OR9G1: variants seen among roughly 807,000 people sequenced by gnomAD.
OR9G1 encodes the protein olfactory receptor 9G1.
Under a neutral mutation model 14.5 loss-of-function variants are expected in OR9G1, and 21 were observed. The observed-to-expected ratio is 1.45, with a 90% confidence interval of 1.03 to 2.09. The LOEUF is 2.09. Ranked by LOEUF, OR9G1 falls within the 30% of genes most tolerant of loss-of-function variation. The pLI, the probability that OR9G1 is intolerant of heterozygous loss-of-function variation, is 0.00. For synonymous variants in OR9G1, 179 were observed against 153.3 expected, an observed-to-expected ratio of 1.17 and a Z score of -1.24; for missense variants, 476 against 364.2, an observed-to-expected ratio of 1.31 and a Z score of -2.50.
chr11:56,701,494 T>C lies in OR9G1; in HGVS notation c.*189T>C. ...ACATCTGAATATATAAGAATTTGAA[T>C]TGAATTTCCTATCTCTCTTATTAAA... On this transcript the variant is annotated 3_prime_UTR_variant, in exon 2 of 2. Coordinates refer to ENST00000642097, the MANE Select transcript of OR9G1 (RefSeq NM_001005213.2). 1.5e-6 allele frequency: 1 copy of C among 686,196 alleles called. No individual in the cohort carries two copies. Among genetic ancestry groups the C allele is most frequent in the South Asian group, 3.3e-5 (1 of 30,354 alleles). 42.5% of individuals were successfully genotyped at this position (686,196 alleles called of 1,614,324 possible).
Position 56,700,963 on chromosome 11 carries a change from C to T in OR9G1, c.576C>T (p.Gly192=), listed in dbSNP as rs373029506. The part of the protein sequence containing the change: ...PLVELACGEK[G]GYKIMMYFLL... ...TGGAGCTGGCCTGTGGCGAGAAGGGCGGCTATAAAATTATGATGTACTTCC... is the reference window on the plus strand; with the variant it reads ...TGGAGCTGGCCTGTGGCGAGAAGGGTGGCTATAAAATTATGATGTACTTCC... Residue 192 remains glycine, a synonymous_variant, in exon 2 of 2, where the codon GGC becomes GGT. Coordinates refer to ENST00000642097, the MANE Select transcript of OR9G1 (RefSeq NM_001005213.2). The T allele has an allele frequency of 5.1e-5, 83 of 1,614,100 alleles. No homozygotes were observed. In the South Asian group the frequency reaches 5.7e-4, roughly 11 times the overall value.
At position 56,700,873 on chromosome 11, in the gene OR9G1, G is replaced by C. The variant is rs765252035; in HGVS notation, c.486G>C (p.Thr162=). 6.2e-7 allele frequency: 1 copy of C among 1,614,130 alleles called. No homozygotes were observed. The highest frequency in any genetic ancestry group is 1.7e-5 in the Admixed American group (1 of 60,012). ...ACTCTTCAATCATCACCAAGAAAAC[G>C]TTTTCCTTTAACTTCTGCCGTGAAA... ...FINSSIITKK[T]FSFNFCRENI... is the part of the protein sequence containing the mutation. The change falls in exon 2 of 2, where the codon ACG becomes ACC. Residue 162 remains threonine (T), a synonymous_variant. Coordinates refer to ENST00000642097, the MANE Select transcript of OR9G1 (RefSeq NM_001005213.2).
At chr11:56,699,954 G>A (rs1257217656) in intron 1 of OR9G1, among the ~76,000 whole-genome samples, 1 of 152,252 alleles carries the variant, frequency 6.6e-6, no homozygotes, top group Non-Finnish European at 1.5e-5. Context: ...ATGTTTCAAT[G>A]CATAGAAACT....
rs1470572415 is a variant in OR9G1 at position 56,700,688 on chromosome 11, T to C, written c.301T>C (p.Phe101Leu). Residue 101 changes from phenylalanine to leucine, a missense_variant, in exon 2 of 2, where the codon TTC becomes CTC. Coordinates refer to ENST00000642097, the MANE Select transcript of OR9G1 (RefSeq NM_001005213.2). Reference protein sequence around the residue: ...ISFAGCLCQFFFSAGLAYSEC... With the variant: ...ISFAGCLCQFLFSAGLAYSEC... ...CTTTGCTGGCTGCCTGTGTCAGTTC[T>C]TCTTCTCTGCAGGGCTGGCCTATAG... 2.5e-6 allele frequency: 4 copies of C among 1,614,286 alleles called. No individual in the cohort carries two copies. In the South Asian group the frequency reaches 4.4e-5, roughly 18 times the overall value.
rs1273343092 is a variant in OR9G1, at chr11:56,700,966, CT to C, written c.580del (p.Tyr194IlefsTer4). On this transcript the variant is annotated frameshift_variant, in exon 2 of 2. Transcript: ENST00000642097. LOFTEE classifies it high-confidence loss of function. ...AGCTGGCCTGTGGCGAGAAGGGCGG[CT>C]ATAAAATTATGATGTACTTCCTGCT... ...VELACGEKGGYKIMMYFLLAS... is the reference protein window; with the variant it reads ...VELACGEKGGXKIMMYFLLAS... The C allele has an allele frequency of 6.2e-7, 1 of 1,614,256 alleles. No homozygotes were observed. The highest frequency in any genetic ancestry group is 8.5e-7 in the Non-Finnish European group (1 of 1,180,002).
In OR9G1 at chr11:56,701,065, G is replaced by A; in HGVS notation, c.678G>A (p.Arg226=). Residue 226 remains arginine, a synonymous_variant, in exon 2 of 2, where the codon AGG becomes AGA. Transcript: ENST00000642097. ...TCTTTATCATCACCAGTGTCTTGAG[G>A]ATCTCCTCCTCCAAGGGCTACCTCA... is the stretch of plus-strand genomic sequence containing the variant. The part of the protein sequence containing the change: ...SYLFIITSVL[R]ISSSKGYLKA... 4.3e-6 allele frequency: 7 copies of A among 1,614,316 alleles called. No homozygotes were observed. The highest frequency in any genetic ancestry group is 5.9e-6 in the Non-Finnish European group (7 of 1,180,058).
chr11:56,700,279 T>G, intron 1 of OR9G1, 91 bp from the exon 2 acceptor site: 1 of 1,501,580 alleles, frequency 6.7e-7, no homozygotes, highest in Admixed American at 2.3e-5. Flanking sequence ...GGTTCTAGAC[T>G]TCACGAAACA....
intron 1 of OR9G1, 50 bp from the exon 2 acceptor site, chr11:56,700,320 T>C (rs1857589787): frequency 6.3e-7 from 1 of 1,581,552 alleles, no homozygotes; most frequent in Non-Finnish European, 8.6e-7. Context: ...AACATAATTC[T>C]ACATATTCAT....
At chr11:56,699,870 C>CA (rs1857578771) in intron 1 of OR9G1, among the ~76,000 whole-genome samples, 1 of 152,302 alleles carries the variant, frequency 6.6e-6, no homozygotes, top group South Asian at 2.1e-4. Flanking sequence ...TTCTCTTTTC[C>CA]CTTTATACTT....
intron 1 of OR9G1, among the ~76,000 whole-genome samples, chr11:56,699,730 G>A (rs1051796753): frequency 6.6e-6 from 1 of 150,966 alleles, no homozygotes; most frequent in African/African-American, 2.4e-5. Context: ...TTTAAAACTG[G>A]TGTTTCAATT....
rs1262434934 is a variant in OR9G1 at position 56,703,882 on chromosome 11, T to C, written c.*2577T>C. 2.1e-5 allele frequency: 3 copies of C among 143,916 alleles called. No homozygotes were observed. The highest frequency in any genetic ancestry group is 4.5e-4 in the South Asian group (2 of 4,448). 8.9% of individuals were successfully genotyped at this position (143,916 alleles called of 1,614,324 possible). The stretch of plus-strand genomic sequence containing the variant: ...CTCTAGAATTATGTCTAAGTAATAT[T>C]ACAGAGACCCTAGTAAAAAGATAAA... On this transcript the variant is annotated 3_prime_UTR_variant, in exon 2 of 2. Coordinates refer to ENST00000642097, the MANE Select transcript of OR9G1 (RefSeq NM_001005213.2).
At position 56,701,442 on chromosome 11, in the gene OR9G1, A is replaced by C. The variant is rs1857632005; in HGVS notation, c.*137A>C. ...GTGAGAGTTACAGACATGTACAATA[A>C]GAAAATTAGGAAAATTTCGGACAAA... On this transcript the variant is annotated 3_prime_UTR_variant, in exon 2 of 2. Coordinates refer to ENST00000642097, the MANE Select transcript of OR9G1 (RefSeq NM_001005213.2). 16 of 1,247,520 alleles carry C rather than the reference A, an allele frequency of 1.3e-5. No homozygotes were observed. Among genetic ancestry groups the C allele is most frequent in the Non-Finnish European group, 1.7e-5 (16 of 944,292 alleles). The allele number at this position is 1,247,520 out of a possible 1,614,324, so 77.3% of individuals were successfully genotyped here.
chr11:56,699,561 T>G (rs1439035273), intron 1 of OR9G1, among the ~76,000 whole-genome samples: 3 of 152,310 alleles, frequency 2.0e-5, no homozygotes, highest in African/African-American at 7.2e-5. Flanking sequence ...AGTTAGTCTG[T>G]CAAGAATTGT....
rs1442593696 is a variant in OR9G1 at position 56,700,526 on chromosome 11, T to C, written c.139T>C (p.Leu47=). The C allele has an allele frequency of 2.5e-6, 4 of 1,614,196 alleles. No individual in the cohort carries two copies. In the African/African-American group the frequency reaches 4.0e-5, roughly 16 times the overall value. The change falls in exon 2 of 2, where the codon TTG becomes CTG. Residue 47 remains leucine (L), a synonymous_variant. Transcript: ENST00000642097. ...GGTAGGAAATAGCACCCTCATCGTGTTGATCTGTAATGACTCCTGCCTCCA... is the reference window on the plus strand; with the variant it reads ...GGTAGGAAATAGCACCCTCATCGTGCTGATCTGTAATGACTCCTGCCTCCA... The part of the protein sequence containing the change: ...TVVGNSTLIV[L]ICNDSCLHTP...
rs1200391987 is a variant in OR9G1, at chr11:56,702,904, T to A, written c.*1599T>A. 2.0e-5 allele frequency: 3 copies of A among 150,796 alleles called. No homozygotes were observed. The highest frequency in any genetic ancestry group is 7.3e-5 in the African/African-American group (3 of 41,016). The allele number at this position is 150,796 out of a possible 1,614,324, so 9.3% of individuals were successfully genotyped here. ...ATTTCAAAATCATTTAAAAAGTGGA[T>A]CTTACATGTTCTCACCACAAAGCAG... On this transcript the variant is annotated 3_prime_UTR_variant, in exon 2 of 2. Coordinates refer to ENST00000642097, the MANE Select transcript of OR9G1 (RefSeq NM_001005213.2).
In OR9G1 at chr11:56,701,204, G is replaced by A; in HGVS notation, c.817G>A (p.Val273Ile). The change falls in exon 2 of 2, where the codon GTT becomes ATT. Residue 273 changes from valine (V) to isoleucine (I), a missense_variant. Val to Ile is a conservative substitution (Grantham distance 29). Transcript: ENST00000642097. The part of the protein sequence containing the change: ...SSYSFDMDKI[V>I]STFYTVVFPM... Reference sequence around the variant, plus strand: ...CTATTCTTTTGATATGGACAAAATAGTTTCTACATTTTACACTGTGGTATT... The same window carrying A: ...CTATTCTTTTGATATGGACAAAATAATTTCTACATTTTACACTGTGGTATT... 2 of 1,614,288 alleles carry A rather than the reference G, an allele frequency of 1.2e-6. No homozygotes were observed. Among genetic ancestry groups the A allele is most frequent in the Non-Finnish European group, 1.7e-6 (2 of 1,180,048 alleles).
chr11:56,701,603 C>G lies in OR9G1; in HGVS notation c.*298C>G. The G allele has an allele frequency of 2.5e-6, 1 of 403,384 alleles. No individual in the cohort carries two copies. 25.0% of individuals were successfully genotyped at this position (403,384 alleles called of 1,614,324 possible). A position where few individuals can be genotyped will look rare whatever the true frequency, so the allele number is the denominator to read the frequency against. On this transcript the variant is annotated 3_prime_UTR_variant, in exon 2 of 2. Coordinates refer to ENST00000642097, the MANE Select transcript of OR9G1 (RefSeq NM_001005213.2). ...CCTACCTCATTAGCCTAAGATTTGG[C>G]TAACTGATACATATAGAAGAGTATC...
At position 56,701,165 on chromosome 11, in the gene OR9G1, C is replaced by G. The variant is rs780689942; in HGVS notation, c.778C>G (p.Leu260Val). ...TGGCTCCATTCTCTACATCTACGCT[C>G]TCCCCAGATCTAGCTATTCTTTTGA... ...YYGSILYIYALPRSSYSFDMD... is the reference protein window; with the variant it reads ...YYGSILYIYAVPRSSYSFDMD... The change falls in exon 2 of 2, where the codon CTC becomes GTC. Residue 260 changes from leucine to valine, a missense_variant. Physicochemically the swap from Leu to Val is conservative, Grantham distance 32. Coordinates refer to ENST00000642097, the MANE Select transcript of OR9G1 (RefSeq NM_001005213.2). 8.7e-6 allele frequency: 14 copies of G among 1,614,308 alleles called. No homozygotes were observed. In the South Asian group the frequency reaches 1.2e-4, roughly 14 times the overall value.
At chr11:56,699,895 T>C (rs1200955430) in intron 1 of OR9G1, among the ~76,000 whole-genome samples, 1 of 152,310 alleles carries the variant, frequency 6.6e-6, no homozygotes, top group African/African-American at 2.4e-5. Flanking sequence ...TAGTATTTTC[T>C]TAGGCCTATA....
Sources: allele counts gnomAD v4.1 joint callset (sites outside exome capture counted in the v4.1 genomes callset), GRCh38; gene constraint gnomAD v4.1.1; transcripts MANE v1.5; gene names NCBI Gene and HGNC (gene_info 2026-07-23, HGNC 2026-07-21).